The following PGAP4 variants were observed in gnomAD, a reference collection of about 807,000 sequenced individuals.
PGAP4 encodes GPI-N-acetylgalactosamine transferase PGAP4.
A neutral mutation model predicts 28.2 loss-of-function variants in PGAP4; 12 were observed. That is an observed-to-expected ratio of 0.42 (90% CI 0.27 to 0.69). The LOEUF (loss-of-function observed/expected upper bound fraction) is 0.69. Ranked by LOEUF, PGAP4 falls within the 30% of genes least tolerant of loss-of-function variation. The pLI is 0.22. For missense variants in PGAP4, 425 were observed against 513.5 expected (o/e 0.83, Z 1.67); for synonymous variants, 205 against 211.8 (o/e 0.97, Z 0.28).
chr9:101,526,577 G>A (rs1262982697), intron 2 of PGAP4, among the ~76,000 whole-genome samples: 1 of 152,128 alleles, frequency 6.6e-6, no homozygotes, highest in Non-Finnish European at 1.5e-5. Flanking sequence ...AGCCTCCCAA[G>A]TAGCTGAGAC....
chr9:101,498,483 G>A (rs767595812), intron 2 of PGAP4, among the ~76,000 whole-genome samples: 40 of 151,306 alleles, frequency 2.6e-4, no homozygotes, highest in South Asian at 4.1e-4. Context: ...CGTTAATATG[G>A]TAGCCCTTTA....
chr9:101,513,930 A>G (rs1022045722), intron 2 of PGAP4, among the ~76,000 whole-genome samples: 13 of 152,070 alleles, frequency 8.5e-5, no homozygotes, highest in African/African-American at 2.7e-4. Flanking sequence ...AAATCTGGAG[A>G]GCCTGGAGTT....
chr9:101,502,833 C>G (rs79266591), intron 2 of PGAP4, among the ~76,000 whole-genome samples: 2,398 of 152,140 alleles, frequency 0.016, 59 homozygotes, highest in African/African-American at 0.055. Flanking sequence ...ACATCTTTTT[C>G]TTGCCACTTC....
At chr9:101,510,031 A>G (rs1826882135) in intron 2 of PGAP4, among the ~76,000 whole-genome samples, 1 of 152,226 alleles carries the variant, frequency 6.6e-6, no homozygotes, top group African/African-American at 2.4e-5. Context: ...ATAGTGCACA[A>G]AAACAAGCAT....
intron 2 of PGAP4, among the ~76,000 whole-genome samples, chr9:101,518,066 A>G (rs1448971262): frequency 6.6e-6 from 1 of 151,748 alleles, no homozygotes; most frequent in Non-Finnish European, 1.5e-5. Flanking sequence ...TTCATTGTCT[A>G]TTGTTTCCAT....
At chr9:101,488,956 C>A (rs1329610855), upstream of PGAP4, among the ~76,000 whole-genome samples, 1 of 152,060 alleles carries the variant, frequency 6.6e-6, no homozygotes, top group East Asian at 1.9e-4. Flanking sequence ...AGATAATAAG[C>A]AAATAAATGC....
intron 2 of PGAP4, among the ~76,000 whole-genome samples, chr9:101,519,469 GT>G (rs1826968838): frequency 6.6e-6 from 1 of 151,974 alleles, no homozygotes; most frequent in Admixed American, 6.6e-5. Context: ...ATGTTTGTTT[GT>G]TTCTTACTGA....
intron 2 of PGAP4, among the ~76,000 whole-genome samples, chr9:101,499,675 A>G (rs533232664): frequency 6.6e-6 from 1 of 152,162 alleles, no homozygotes; most frequent in African/African-American, 2.4e-5. Context: ...CTTTGTGCAA[A>G]GTTGTGATTT....
intron 2 of PGAP4, among the ~76,000 whole-genome samples, chr9:101,529,735 T>C (rs1827070476): frequency 6.6e-6 from 1 of 151,942 alleles, no homozygotes; most frequent in African/African-American, 2.4e-5. Context: ...CGAGGGTGAA[T>C]GGTAGGAGAA....
chr9:101,498,488 C>T (rs986112136), intron 2 of PGAP4, among the ~76,000 whole-genome samples: 2 of 150,822 alleles, frequency 1.3e-5, no homozygotes, highest in Non-Finnish European at 3.0e-5. Context: ...ATATGGTAGC[C>T]CTTTAAGAAT....
At chr9:101,479,620 T>C (rs1210158686) in intron 1 of PGAP4, among the ~76,000 whole-genome samples, 1 of 152,224 alleles carries the variant, frequency 6.6e-6, no homozygotes, top group Non-Finnish European at 1.5e-5. Flanking sequence ...ACTGCTGTTC[T>C]ACTGACAATC....
chr9:101,495,866 A>G (rs1489575545), intron 2 of PGAP4, among the ~76,000 whole-genome samples: 4 of 151,262 alleles, frequency 2.6e-5, no homozygotes, highest in Non-Finnish European at 4.4e-5. Flanking sequence ...AAACAAAAAC[A>G]TCCTCCCATA....
chr9:101,532,893 T>C (rs1827116192), exon 1 of PGAP4: 1 of 151,908 alleles, frequency 6.6e-6, no homozygotes, highest in South Asian at 2.1e-4. Context: ...CTTCTTTTTT[T>C]CCCAAGATGC....
In PGAP4 at chr9:101,523,619, C is replaced by CTTTTT. The variant is rs71356369; in HGVS notation, c.-165+7724_-165+7728dup. ...ACATTTCTCCCCTCACTTCTTGTAT[C>CTTTTT]TTTTTTTTTTTTTTTTTTTTTTTTT... is the stretch of plus-strand genomic sequence containing the variant. On this transcript the variant is annotated intron_variant, in intron 2 of 3. Coordinates refer to the PGAP4 transcript ENST00000374851. Among the ~76,000 whole-genome samples, 199 of 59,246 alleles carry CTTTTT rather than the reference C, an allele frequency of 3.4e-3. 13 individuals carry two copies. Among genetic ancestry groups the CTTTTT allele is most frequent in the African/African-American group, 4.1e-3 (57 of 14,074 alleles). 38.9% of individuals were successfully genotyped at this position (59,246 alleles called of 152,430 possible).
rs571362055 is a variant in PGAP4 at position 101,529,696 on chromosome 9, G to C, written c.-165+1652C>G. On this transcript the variant is annotated intron_variant, in intron 2 of 3. Coordinates refer to the PGAP4 transcript ENST00000374851. Reference sequence around the variant, plus strand: ...AGGTGATCTGGGGAGAAGGAGGCAGGGGTATGGAAATGAAGGAGAAAGGTG... The same window carrying C: ...AGGTGATCTGGGGAGAAGGAGGCAGCGGTATGGAAATGAAGGAGAAAGGTG... 1.2e-3 allele frequency among the ~76,000 whole-genome samples: 185 copies of C among 152,254 alleles called. 1 individual carries two copies. The highest frequency in any genetic ancestry group is 2.0e-3 in the Non-Finnish European group (136 of 68,006).
In PGAP4 at chr9:101,499,219, C is replaced by G. The variant is rs901855834; in HGVS notation, c.-164-10019G>C. Among the ~76,000 whole-genome samples, 4 of 151,756 alleles carry G rather than the reference C, an allele frequency of 2.6e-5. No individual in the cohort carries two copies. In the Admixed American group the frequency reaches 2.6e-4, roughly 10 times the overall value. Reference sequence around the variant, plus strand: ...AGATCCCAAATAAAGTAAAAAAGCCCCTGTCGAAAGGAGAGAGGCTCAGCT... The same window carrying G: ...AGATCCCAAATAAAGTAAAAAAGCCGCTGTCGAAAGGAGAGAGGCTCAGCT... On this transcript the variant is annotated intron_variant, in intron 2 of 3. Coordinates refer to the PGAP4 transcript ENST00000374851.
At chr9:101,494,055 G>A (rs1410732372) in intron 2 of PGAP4, among the ~76,000 whole-genome samples, 1 of 151,826 alleles carries the variant, frequency 6.6e-6, no homozygotes, top group Admixed American at 6.6e-5. Flanking sequence ...ACTGTTTGAG[G>A]CTTGGAAGCC....
intron 2 of PGAP4, among the ~76,000 whole-genome samples, chr9:101,526,436 T>C (rs1827036669): frequency 6.6e-6 from 1 of 152,188 alleles, no homozygotes; most frequent in Admixed American, 6.5e-5. Context: ...AGTACTTTTA[T>C]TTTTTTAAAT....
chr9:101,510,791 C>A (rs72743393), intron 2 of PGAP4, among the ~76,000 whole-genome samples: 1 of 151,890 alleles, frequency 6.6e-6, no homozygotes, highest in Non-Finnish European at 1.5e-5. Context: ...AAATAACGGG[C>A]GGGCCACACG....
Sources: allele counts gnomAD v4.1 joint callset (sites outside exome capture counted in the v4.1 genomes callset), GRCh38; gene constraint gnomAD v4.1.1; transcripts MANE v1.5; gene names NCBI Gene and HGNC (gene_info 2026-07-23, HGNC 2026-07-21).